The following COMMD1 variants were observed in gnomAD, a reference collection of about 807,000 sequenced individuals.
COMMD1 encodes the protein COMM domain-containing protein 1.
In COMMD1, 10 loss-of-function variants were observed where a neutral mutation model predicts 17.2. The observed-to-expected ratio is 0.58, with a 90% CI of 0.36 to 0.99. The LOEUF is 0.99. Ranked by LOEUF, COMMD1 falls within the 50% of genes least tolerant of loss-of-function variation. The pLI, the probability that COMMD1 is intolerant of heterozygous loss-of-function variation, is 0.01. For synonymous variants in COMMD1, 97 were observed against 91.6 expected, an observed-to-expected ratio of 1.06 and a Z score of -0.34; for missense variants, 270 against 231.8, an observed-to-expected ratio of 1.17 and a Z score of -1.07.
chr2:61,942,085 C>T (rs914445282), intron 1 of COMMD1, among the ~76,000 whole-genome samples: 1 of 152,274 alleles, frequency 6.6e-6, no homozygotes. Flanking sequence ...ACATTTTCTT[C>T]AGCAAAAAAC....
chr2:62,063,690 C>T (rs1670939644), intron 2 of COMMD1, among the ~76,000 whole-genome samples: 1 of 151,660 alleles, frequency 6.6e-6, no homozygotes. Context: ...AAATTAAACT[C>T]TTTTGTATAA....
chr2:62,064,213 CGCCAG>C, intron 2 of COMMD1, among the ~76,000 whole-genome samples: 1 of 151,858 alleles, frequency 6.6e-6, no homozygotes, highest in East Asian at 1.9e-4. Flanking sequence ...TTCACTCTGT[CGCCAG>C]GCTGTAGTGC....
intron 1 of COMMD1, among the ~76,000 whole-genome samples, chr2:61,954,468 A>C (rs1335935375): frequency 6.6e-6 from 1 of 152,176 alleles, no homozygotes; most frequent in Non-Finnish European, 1.5e-5. Context: ...ATTTAAAAGA[A>C]TGTATTTAAC....
At chr2:62,097,018 A>T (rs994413432) in intron 2 of COMMD1, among the ~76,000 whole-genome samples, 65 of 152,218 alleles carry the variant, frequency 4.3e-4, no homozygotes, top group African/African-American at 1.5e-3. Context: ...TGAAAGCAAA[A>T]AGATACTGGC....
intron 2 of COMMD1, chr2:62,055,372 C>G (rs1670665078): frequency 2.2e-6 from 1 of 455,238 alleles, no homozygotes; most frequent in Non-Finnish European, 4.4e-6. Context: ...GCAGAAGACT[C>G]TAAGACTGCC....
Position 62,067,888 on chromosome 2 carries a change from T to C in COMMD1, c.462+66906T>C, listed in dbSNP as rs192151090. 2.2e-3 allele frequency among the ~76,000 whole-genome samples: 334 copies of C among 152,326 alleles called. 2 individuals are homozygous for C. Among genetic ancestry groups the C allele is most frequent in the African/African-American group, 7.6e-3 (314 of 41,572 alleles). ...ACTCAGTATGCCAAGGTGCCGTATT[T>C]TGAGGTACAGTGTTCTGTGCCCTGA... On this transcript the variant is annotated intron_variant, in intron 2 of 2. Transcript: ENST00000311832.
At chr2:61,890,247 G>C (rs934694009) in intron 1 of COMMD1, among the ~76,000 whole-genome samples, 1 of 152,148 alleles carries the variant, frequency 6.6e-6, no homozygotes, top group Non-Finnish European at 1.5e-5. Context: ...TTGAGACGGA[G>C]TTTCACTCTT....
intron 1 of COMMD1, among the ~76,000 whole-genome samples, chr2:61,967,795 C>T (rs535699104): frequency 6.6e-6 from 1 of 152,274 alleles, no homozygotes; most frequent in South Asian, 2.1e-4. Flanking sequence ...AAAGTGTATT[C>T]AGTCCTGAAT....
At chr2:61,934,652 AG>A (rs1191699756) in intron 1 of COMMD1, among the ~76,000 whole-genome samples, 2 of 152,236 alleles carry the variant, frequency 1.3e-5, no homozygotes, top group Non-Finnish European at 2.9e-5. Context: ...AAAACAAAAC[AG>A]ATTTCAATTA....
intron 1 of COMMD1, among the ~76,000 whole-genome samples, chr2:61,894,318 T>G (rs1255642614): frequency 2.0e-5 from 3 of 152,132 alleles, no homozygotes; most frequent in Non-Finnish European, 4.4e-5. Context: ...GCCAGGCTGG[T>G]CTTGAACTCC....
intron 1 of COMMD1, among the ~76,000 whole-genome samples, chr2:61,974,577 G>A (rs984978604): frequency 1.3e-5 from 2 of 150,706 alleles, no homozygotes; most frequent in Admixed American, 6.6e-5. Context: ...GGAGGCTGAG[G>A]CAGAGAATTG....
At chr2:62,029,031 T>C (rs181112763) in intron 2 of COMMD1, among the ~76,000 whole-genome samples, 2 of 152,340 alleles carry the variant, frequency 1.3e-5, no homozygotes, top group East Asian at 3.9e-4. Flanking sequence ...GCTAGAATTC[T>C]ATTTAGCTAC....
At chr2:61,985,415 T>TA (rs1558549013) in intron 1 of COMMD1, among the ~76,000 whole-genome samples, 1 of 152,210 alleles carries the variant, frequency 6.6e-6, no homozygotes. Flanking sequence ...CTTGTTTTTT[T>TA]ATCCATTCAG....
chr2:62,087,563 T>A (rs952973861), intron 2 of COMMD1, among the ~76,000 whole-genome samples: 5 of 152,178 alleles, frequency 3.3e-5, no homozygotes, highest in African/African-American at 1.2e-4. Flanking sequence ...CTGGCCAACA[T>A]GACGAAACCC....
At chr2:62,092,089 C>G (rs1671845429) in intron 2 of COMMD1, among the ~76,000 whole-genome samples, 1 of 152,022 alleles carries the variant, frequency 6.6e-6, no homozygotes, top group Admixed American at 6.6e-5. Context: ...ATTTTGAGGT[C>G]TGAAGAGAGA....
chr2:61,933,444 G>A (rs1315317629), intron 1 of COMMD1, among the ~76,000 whole-genome samples: 2 of 151,948 alleles, frequency 1.3e-5, no homozygotes, highest in Admixed American at 1.3e-4. Context: ...AACTGGGTCA[G>A]CTGTTTTCAC....
intron 2 of COMMD1, among the ~76,000 whole-genome samples, chr2:62,022,485 C>T (rs1669638048): frequency 7.0e-6 from 1 of 143,558 alleles, no homozygotes; most frequent in Non-Finnish European, 1.5e-5. Flanking sequence ...GAAGCCGAGG[C>T]CAGTGTATGT....
intron 2 of COMMD1, among the ~76,000 whole-genome samples, chr2:62,098,749 T>G (rs988518107): frequency 1.3e-5 from 2 of 152,190 alleles, no homozygotes; most frequent in African/African-American, 2.4e-5. Context: ...ATTGCAGAGC[T>G]CTCCATTTCT....
At chr2:61,915,108 C>A (rs942543123) in intron 1 of COMMD1, among the ~76,000 whole-genome samples, 3 of 151,168 alleles carry the variant, frequency 2.0e-5, no homozygotes, top group African/African-American at 7.3e-5. Flanking sequence ...CAGGTTCAAG[C>A]AATTCTCTTA....
Sources: allele counts gnomAD v4.1 joint callset (sites outside exome capture counted in the v4.1 genomes callset), GRCh38; gene constraint gnomAD v4.1.1; transcripts MANE v1.5; gene names NCBI Gene and HGNC (gene_info 2026-07-23, HGNC 2026-07-21).